The following CROCC2 variants were observed in gnomAD, a reference collection of about 807,000 sequenced individuals.
CROCC2 encodes the protein ciliary rootlet coiled-coil protein 2.
Under a neutral mutation model 177.6 loss-of-function variants are expected in CROCC2, and 163 were observed. The ratio of observed to expected loss-of-function variants is 0.92; its 90% CI spans 0.81 to 1.05. The LOEUF is 1.05. Ranked by LOEUF, CROCC2 falls within the 50% of genes least tolerant of loss-of-function variation. The pLI is 0.00. For missense variants in CROCC2, 1,929 were observed against 1,797.8 expected (o/e 1.07, Z -1.32); for synonymous variants, 904 against 787.3 (o/e 1.15, Z -2.48).
rs749620221 is a variant in CROCC2 at position 240,933,087 on chromosome 2, C to G, written c.1252-44C>G. On this transcript the variant is annotated intron_variant, in intron 9 of 31. Coordinates refer to ENST00000690015, the MANE Select transcript of CROCC2 (RefSeq NM_001351305.2). ...CCCTGGTGGGCCTCGGTGGGCAAAG[C>G]CTGCCTAGGCCAGAGAGGCCCACAA... The G allele has an allele frequency of 3.9e-6, 6 of 1,547,156 alleles. 1 individual carries two copies. The South Asian group carries it at 7.1e-5, about 18-fold the overall frequency.
At chr2:240,934,601 C>G (rs2059455449) in intron 12 of CROCC2, 126 bp downstream of exon 12, 2 of 987,066 alleles carry the variant, frequency 2.0e-6, no homozygotes, top group Admixed American at 2.7e-5. Flanking sequence ...ACCAGAGATC[C>G]CAAAGTCACC....
At chr2:240,957,739 C>T (rs2059601934) in intron 19 of CROCC2, 1 of 153,618 alleles carries the variant, frequency 6.5e-6, no homozygotes, top group African/African-American at 2.4e-5. Context: ...CCAGGGGAGA[C>T]TTGCCCCTCA....
At chr2:240,914,471 C>A (rs1003714700) in intron 1 of CROCC2, among the ~76,000 whole-genome samples, 2 of 152,240 alleles carry the variant, frequency 1.3e-5, no homozygotes, top group Non-Finnish European at 2.9e-5. Context: ...AGATGCCGTC[C>A]AAACCCCCAG....
At position 240,958,877 on chromosome 2, in the gene CROCC2, A is replaced by T. The variant is rs1178808340; in HGVS notation, c.2944-424A>T. On this transcript the variant is annotated intron_variant, in intron 19 of 31. Transcript: ENST00000690015. The surrounding 1 kb of genome is among the most constrained non-coding windows in gnomAD (Gnocchi z 6.7). ...GAGCCTGGGGCCTCCTGGCCCGAGG[A>T]TCCCTGCTGGCCACACTGCCCCAAG... Among the ~76,000 whole-genome samples the T allele has an allele frequency of 6.6e-6, 1 of 152,108 alleles. No homozygotes were observed. Among genetic ancestry groups the T allele is most frequent in the Non-Finnish European group, 1.5e-5 (1 of 68,004 alleles).
At chr2:240,930,472 GAGA>G (rs2059421605) in intron 6 of CROCC2, among the ~76,000 whole-genome samples, 1 of 152,160 alleles carries the variant, frequency 6.6e-6, no homozygotes, top group South Asian at 2.1e-4. Flanking sequence ...GGCAGTAGGG[GAGA>G]AGGACAAACA....
intron 27 of CROCC2, among the ~76,000 whole-genome samples, chr2:240,971,491 G>A (rs1241466278): frequency 1.3e-5 from 2 of 152,164 alleles, no homozygotes; most frequent in Non-Finnish European, 1.5e-5. Context: ...AGTTCAGATG[G>A]GTTCAAGAAA....
intron 14 of CROCC2, among the ~76,000 whole-genome samples, chr2:240,939,223 G>T (rs2059484388): frequency 6.6e-6 from 1 of 152,042 alleles, no homozygotes; most frequent in Non-Finnish European, 1.5e-5. Flanking sequence ...AATGGGTACT[G>T]GGTTCTGCTA....
chr2:240,920,555 C>A (rs185046073), intron 3 of CROCC2, among the ~76,000 whole-genome samples: 9 of 152,348 alleles, frequency 5.9e-5, no homozygotes, highest in Admixed American at 1.3e-4. Context: ...CAGGCACCGA[C>A]CCCAACCCCA....
In CROCC2 at chr2:240,953,115, C is replaced by T. The variant is rs989499168; in HGVS notation, c.2829+2605C>T. Among the ~76,000 whole-genome samples, 2 of 152,048 alleles carry T rather than the reference C, an allele frequency of 1.3e-5. No individual in the cohort carries two copies. The highest frequency in any genetic ancestry group is 4.8e-5 in the African/African-American group (2 of 41,400). ...ACACAGCCCCCAAGAGAGGGGACCT[C>T]GGTCAAACAGGAGTGCAGGCTTGGT... On this transcript the variant is annotated intron_variant, in intron 18 of 31. Coordinates refer to ENST00000690015, the MANE Select transcript of CROCC2 (RefSeq NM_001351305.2). The surrounding 1 kb of genome is among the most constrained non-coding windows in gnomAD (Gnocchi z 4.0).
intron 23 of CROCC2, 49 bp downstream of exon 23, chr2:240,965,567 G>A: frequency 5.8e-6 from 9 of 1,549,758 alleles, no homozygotes; most frequent in Non-Finnish European, 7.0e-6. Flanking sequence ...GCGTCGGGGA[G>A]CAGAGGGAGG....
intron 27 of CROCC2, among the ~76,000 whole-genome samples, chr2:240,969,513 TAG>T (rs2059707340): frequency 6.6e-6 from 1 of 152,142 alleles, no homozygotes; most frequent in South Asian, 2.1e-4. Flanking sequence ...GCAGTAAGAC[TAG>T]AGACGTCTGT....
intron 25 of CROCC2, among the ~76,000 whole-genome samples, chr2:240,966,802 G>A (rs1442823234): frequency 6.6e-6 from 1 of 152,156 alleles, no homozygotes; most frequent in African/African-American, 2.4e-5. Flanking sequence ...GGCTGCTCCT[G>A]GCTTCAGGGC....
In CROCC2 at chr2:240,949,982, G is replaced by C. The variant is rs527744774; in HGVS notation, c.2652+280G>C. Among the ~76,000 whole-genome samples the C allele has an allele frequency of 2.0e-5, 3 of 152,262 alleles. No homozygotes were observed. The East Asian group carries it at 5.8e-4, about 29-fold the overall frequency. ...GCTGGTCTGGTGCAGTCTGAAGGAT[G>C]AGGGCTGGAGGGGGCCCCACACCCA... On this transcript the variant is annotated intron_variant, in intron 17 of 31. Coordinates refer to ENST00000690015, the MANE Select transcript of CROCC2 (RefSeq NM_001351305.2). The surrounding 1 kb of genome is among the most constrained non-coding windows in gnomAD (Gnocchi z 4.5).
At chr2:240,923,146 C>CT (rs1013697238) in intron 4 of CROCC2, among the ~76,000 whole-genome samples, 25 of 152,206 alleles carry the variant, frequency 1.6e-4, no homozygotes, top group African/African-American at 5.8e-4. Flanking sequence ...GTGGCAGCCT[C>CT]TCCACGCTCT....
At chr2:240,975,430 G>GCCAGTGGGTAT (rs2059753342) in intron 27 of CROCC2, among the ~76,000 whole-genome samples, 2 of 152,226 alleles carry the variant, frequency 1.3e-5, no homozygotes, top group Non-Finnish European at 2.9e-5. Flanking sequence ...AGTGCAGGGA[G>GCCAGTGGGTAT]ACCAGGGGAT....
chr2:240,918,091 T>C lies in CROCC2; in HGVS notation c.79-635T>C, dbSNP rs1042238051. Among the ~76,000 whole-genome samples, 2 of 152,168 alleles carry C rather than the reference T, an allele frequency of 1.3e-5. No homozygotes were observed. The highest frequency in any genetic ancestry group is 4.8e-5 in the African/African-American group (2 of 41,448). ...GCCTTCCTGCCCACTTCTGGGCCTA[T>C]TGGAGCCTCTTCCCTGGCAGTCGGC... On this transcript the variant is annotated intron_variant, in intron 1 of 31. Transcript: ENST00000690015. This position sits in a 1 kb window ranked among gnomAD's most constrained non-coding sequence, Gnocchi z 6.3.
At chr2:240,921,153 G>A (rs914077282) in intron 3 of CROCC2, among the ~76,000 whole-genome samples, 1 of 152,128 alleles carries the variant, frequency 6.6e-6, no homozygotes, top group Admixed American at 6.5e-5. Flanking sequence ...ATGCCTGAGG[G>A]GTCCCCAGGG....
chr2:240,976,169 C>G (rs1368421813), intron 27 of CROCC2, among the ~76,000 whole-genome samples: 1 of 151,790 alleles, frequency 6.6e-6, no homozygotes. Flanking sequence ...GTAGGAGCCT[C>G]AGAAGCCCAG....
chr2:240,958,585 C>G lies in CROCC2; in HGVS notation c.2944-716C>G. Reference sequence around the variant, plus strand: ...GCCATCCCCCACCAGCCGCCCCCCGCCAGCCGCCTGCTGCTGCCTGGAGGC... The same window carrying G: ...GCCATCCCCCACCAGCCGCCCCCCGGCAGCCGCCTGCTGCTGCCTGGAGGC... On this transcript the variant is annotated intron_variant, in intron 19 of 31. Transcript: ENST00000690015. This position sits in a 1 kb window ranked among gnomAD's most constrained non-coding sequence, Gnocchi z 6.7. 1.0e-6 allele frequency: 1 copy of G among 985,318 alleles called. No individual in the cohort carries two copies. The highest frequency in any genetic ancestry group is 4.7e-5 in the South Asian group (1 of 21,282). 61.0% of individuals were successfully genotyped at this position (985,318 alleles called of 1,614,324 possible). A position where few individuals can be genotyped will look rare whatever the true frequency, so the allele number is the denominator to read the frequency against.
Sources: gnomAD v4.1 joint callset for allele counts (sites outside exome capture counted in the v4.1 genomes callset) on GRCh38, gnomAD v4.1.1 for gene constraint, Gnocchi (gnomAD v3.1) non-coding constraint, MANE v1.5 for transcripts, NCBI Gene and HGNC (gene_info 2026-07-23, HGNC 2026-07-21) for gene names.